The following STAT5B variants were observed in gnomAD, a reference collection of about 807,000 sequenced individuals.
The protein encoded by STAT5B is signal transducer and activator of transcription 5B, also known as transcription factor STAT5B.
Under a neutral mutation model 107.8 loss-of-function variants are expected in STAT5B, and 21 were observed. The observed-to-expected ratio is 0.19, with a 90% CI of 0.14 to 0.28. STAT5B has a LOEUF of 0.28. STAT5B is among the 10% of genes least tolerant of loss of function. STAT5B has a pLI of 1.00. For synonymous variants in STAT5B, 325 were observed against 401.7 expected (o/e 0.81, Z 2.28); for missense variants, 565 against 1,008.2 (o/e 0.56, Z 5.95).
At chr17:42,208,395 C>T (rs1256042837) in intron 15 of STAT5B, among the ~76,000 whole-genome samples, 1 of 151,722 alleles carries the variant, frequency 6.6e-6, no homozygotes, top group Non-Finnish European at 1.5e-5. Context: ...AGGTACTATG[C>T]TGAGGTAGGA....
chr17:42,201,715 C>T lies in STAT5B; in HGVS notation c.*23G>A. On this transcript the variant is annotated 3_prime_UTR_variant, in exon 19 of 19. Coordinates refer to ENST00000293328, the MANE Select transcript of STAT5B (RefSeq NM_012448.4). Reference sequence around the variant, plus strand: ...GATTCCTCTGGTGAAGATGAAGAAGCTGAAGATGGAGAGGTCGCGGGGTCA... The same window carrying T: ...GATTCCTCTGGTGAAGATGAAGAAGTTGAAGATGGAGAGGTCGCGGGGTCA... 7.1e-7 allele frequency: 1 copy of T among 1,413,856 alleles called. No individual in the cohort carries two copies. Among genetic ancestry groups the T allele is most frequent in the East Asian group, 2.3e-5 (1 of 43,972 alleles). The allele number at this position is 1,413,856 out of a possible 1,614,324, so 87.6% of individuals were successfully genotyped here. A position where few individuals can be genotyped will look rare whatever the true frequency, so the allele number is the denominator to read the frequency against.
At chr17:42,223,741 C>T (rs971755514) in intron 4 of STAT5B, among the ~76,000 whole-genome samples, 185 bp from the exon 5 acceptor site, 7 of 152,128 alleles carry the variant, frequency 4.6e-5, no homozygotes, top group South Asian at 4.1e-4. Flanking sequence ...AACAGGTGAG[C>T]GGACAGATCA....
chr17:42,256,538 C>T (rs552368872), intron 1 of STAT5B, among the ~76,000 whole-genome samples: 1 of 152,178 alleles, frequency 6.6e-6, no homozygotes, highest in African/African-American at 2.4e-5. Context: ...ACCCACAGTA[C>T]AGCATAGTAA....
At chr17:42,217,949 G>A (rs2080187220) in intron 9 of STAT5B, 2 of 810,420 alleles carry the variant, frequency 2.5e-6, no homozygotes, top group Non-Finnish European at 3.8e-6. Context: ...CAGGTGATCT[G>A]CCCACCTCGG....
At chr17:42,228,809 C>T (rs139235477) in intron 2 of STAT5B, among the ~76,000 whole-genome samples, 87 of 152,302 alleles carry the variant, frequency 5.7e-4, no homozygotes, top group African/African-American at 2.1e-3. Flanking sequence ...CGGCATGTGC[C>T]TGTAGTCCCA....
intron 1 of STAT5B, among the ~76,000 whole-genome samples, chr17:42,267,348 A>G (rs1465601152): frequency 6.6e-6 from 1 of 152,200 alleles, no homozygotes; most frequent in Non-Finnish European, 1.5e-5. Flanking sequence ...TTGTTATCAC[A>G]AGAGATGACA....
chr17:42,203,030 C>T (rs545877733), intron 16 of STAT5B: 1 of 592,870 alleles, frequency 1.7e-6, no homozygotes, highest in South Asian at 1.8e-5. Context: ...GCAGCCTCCG[C>T]CTCCCAGGTT....
intron 16 of STAT5B, 30 bp from the exon 17 acceptor site, chr17:42,202,838 G>A (rs2080056483): frequency 6.2e-7 from 1 of 1,614,038 alleles, no homozygotes; most frequent in African/African-American, 1.3e-5. Context: ...GTAAATCAAA[G>A]TTCTCAAGTG....
chr17:42,271,881 G>T (rs1022416043), intron 1 of STAT5B: 1 of 152,122 alleles, frequency 6.6e-6, no homozygotes, highest in Non-Finnish European at 1.5e-5. Flanking sequence ...AACTTCATTT[G>T]CAAATTGAAT....
At chr17:42,267,958 CAAAAA>C (rs776320350) in intron 1 of STAT5B, among the ~76,000 whole-genome samples, 1 of 57,270 alleles carries the variant, frequency 1.7e-5, no homozygotes. Context: ...GACTCCATCT[CAAAAA>C]AAAAAAAAAA....
chr17:42,277,241 A>G (rs1013346825), upstream of STAT5B, among the ~76,000 whole-genome samples: 7 of 152,132 alleles, frequency 4.6e-5, no homozygotes, highest in Admixed American at 1.3e-4. Context: ...GGAGCTGGCC[A>G]GCGGTTTCCC....
chr17:42,205,720 G>A (rs1437119107), intron 16 of STAT5B, among the ~76,000 whole-genome samples: 3 of 152,072 alleles, frequency 2.0e-5, no homozygotes, highest in African/African-American at 7.2e-5. Context: ...GACCAGTCTG[G>A]GAAACACAGC....
At chr17:42,213,522 T>C (rs2144228770) in intron 12 of STAT5B, among the ~76,000 whole-genome samples, 1 of 148,778 alleles carries the variant, frequency 6.7e-6, no homozygotes, top group Middle Eastern at 3.7e-3. Context: ...TCTTTATTAT[T>C]TATTTTTTAT....
In STAT5B at chr17:42,201,464, CCT is replaced by C; in HGVS notation, c.*272_*273del. On this transcript the variant is annotated 3_prime_UTR_variant, in exon 19 of 19. Coordinates refer to ENST00000293328, the MANE Select transcript of STAT5B (RefSeq NM_012448.4). ...ACCACCACAGCTTCTGTCTGTGGCCCCTCTGCTACAACTAAACTCTCAGACAG... is the reference window on the plus strand; with the variant it reads ...ACCACCACAGCTTCTGTCTGTGGCCCCTGCTACAACTAAACTCTCAGACAG... 1.6e-6 allele frequency: 1 copy of C among 607,218 alleles called. No individual in the cohort carries two copies. The highest frequency in any genetic ancestry group is 2.9e-6 in the Non-Finnish European group (1 of 339,044). 37.6% of individuals were successfully genotyped at this position (607,218 alleles called of 1,614,324 possible).
chr17:42,238,092 TTCTA>T lies in STAT5B; in HGVS notation c.-10-5959_-10-5956del, dbSNP rs765073630. 3.9e-4 allele frequency among the ~76,000 whole-genome samples: 55 copies of T among 140,230 alleles called. 1 individual carries two copies. The highest frequency in any genetic ancestry group is 1.3e-3 in the African/African-American group (51 of 38,354). The allele number at this position is 140,230 out of a possible 152,430, so 92.0% of individuals were successfully genotyped here. A position where few individuals can be genotyped will look rare whatever the true frequency, so the allele number is the denominator to read the frequency against. ...AACCAATATCCTCCAGTATAAACTT[TTCTA>T]TCCATCCATCCATCCATCCATCCAT... On this transcript the variant is annotated intron_variant, in intron 1 of 18. Coordinates refer to ENST00000293328, the MANE Select transcript of STAT5B (RefSeq NM_012448.4).
chr17:42,274,576 A>T (rs1156331255), intron 1 of STAT5B, among the ~76,000 whole-genome samples: 1 of 152,192 alleles, frequency 6.6e-6, no homozygotes, highest in East Asian at 1.9e-4. Context: ...AAACAAAACA[A>T]CCCAAAGCCT....
intron 1 of STAT5B, chr17:42,268,448 C>T (rs1266803710): frequency 6.6e-6 from 1 of 152,100 alleles, no homozygotes; most frequent in East Asian, 1.9e-4. Flanking sequence ...GACAAAATCG[C>T]CTAATGCATT....
At chr17:42,230,810 G>A (rs978750692) in intron 2 of STAT5B, among the ~76,000 whole-genome samples, 6 of 151,874 alleles carry the variant, frequency 4.0e-5, no homozygotes, top group East Asian at 3.9e-4. Flanking sequence ...ACAGGCGCCC[G>A]TCACCACGCC....
intron 1 of STAT5B, among the ~76,000 whole-genome samples, chr17:42,239,677 G>A (rs369387289): frequency 6.6e-6 from 1 of 152,236 alleles, no homozygotes; most frequent in Non-Finnish European, 1.5e-5. Context: ...GGAAATTGAG[G>A]GTCATCAAGA....
Sources: gnomAD v4.1 joint callset for allele counts (sites outside exome capture counted in the v4.1 genomes callset) on GRCh38, gnomAD v4.1.1 for gene constraint, MANE v1.5 for transcripts, NCBI Gene and HGNC (gene_info 2026-07-23, HGNC 2026-07-21) for gene names.